The following L3HYPDH variants were observed in gnomAD, a reference collection of about 807,000 sequenced individuals.
L3HYPDH encodes the protein trans-3-hydroxy-L-proline dehydratase.
In L3HYPDH, 32 loss-of-function variants were observed where a neutral mutation model predicts 26.5. That is an observed-to-expected ratio of 1.21 (90% CI 0.91 to 1.62). The LOEUF is 1.62. Among genes scored for constraint, L3HYPDH ranks in the 40% most tolerant of loss-of-function variants. L3HYPDH has a pLI of 0.00. For synonymous variants in L3HYPDH, 215 were observed against 196.6 expected (o/e 1.09, Z -0.78); for missense variants, 554 against 476.4 (o/e 1.16, Z -1.52).
the L3HYPDH span, among the ~76,000 whole-genome samples, chr14:59,496,369 C>T: frequency 2.6e-5 from 4 of 151,658 alleles, no homozygotes; most frequent in Non-Finnish European, 5.9e-5. Flanking sequence ...TGTCATATAA[C>T]TCTCCTAAGG....
chr14:59,497,397 G>C, the L3HYPDH span, among the ~76,000 whole-genome samples: 1 of 152,160 alleles, frequency 6.6e-6, no homozygotes, highest in East Asian at 1.9e-4. Flanking sequence ...TCTTCTGGTG[G>C]AAGGCAGGAG....
chr14:59,502,530 G>C, the L3HYPDH span, among the ~76,000 whole-genome samples: 2 of 152,058 alleles, frequency 1.3e-5, no homozygotes, highest in African/African-American at 4.8e-5. Context: ...GTGACTTTTA[G>C]GTAAGATAAT....
downstream of L3HYPDH, among the ~76,000 whole-genome samples, chr14:59,472,262 G>A (rs1312693988): frequency 6.6e-6 from 1 of 152,120 alleles, no homozygotes; most frequent in African/African-American, 2.4e-5. Context: ...CCATTGTAAG[G>A]ATTCACTGCT....
chr14:59,502,234 G>A, the L3HYPDH span, among the ~76,000 whole-genome samples: 2 of 151,974 alleles, frequency 1.3e-5, no homozygotes, highest in Admixed American at 6.6e-5. Flanking sequence ...TTTTAAATAC[G>A]TTAATGGCTC....
chr14:59,492,988 C>G, the L3HYPDH span, among the ~76,000 whole-genome samples: 3 of 151,216 alleles, frequency 2.0e-5, no homozygotes, highest in East Asian at 2.0e-4. Flanking sequence ...TTAGTAGAGA[C>G]GGGGTTTCAC....
At chr14:59,469,987 A>G (rs1889273302), downstream of L3HYPDH, among the ~76,000 whole-genome samples, 1 of 152,198 alleles carries the variant, frequency 6.6e-6, no homozygotes, top group Admixed American at 6.5e-5. Context: ...CAGATAAAGA[A>G]AGCAAAGCTA....
At chr14:59,479,807 T>G (rs1889886369) in intron 1 of L3HYPDH, among the ~76,000 whole-genome samples, 1 of 152,234 alleles carries the variant, frequency 6.6e-6, no homozygotes, top group Non-Finnish European at 1.5e-5. Context: ...ACATAAATTT[T>G]AATAAAAGAT....
the L3HYPDH span, among the ~76,000 whole-genome samples, chr14:59,500,304 A>C: frequency 4.6e-5 from 7 of 152,208 alleles, no homozygotes; most frequent in Admixed American, 4.6e-4. Context: ...TTAACATTTG[A>C]AATTGTTCCA....
Position 59,473,031 on chromosome 14 carries a change from G to C in L3HYPDH, c.999C>G (p.Tyr333Ter), listed in dbSNP as rs775276699. ...CTATTATAAAGCTTGCTGTACCCGT[G>C]TAATGGGCTTGTCCTGATACTTCCA... Reference protein sequence around the residue: ...VIVEVSGQAHYTGTASFIIED... With the variant: ...VIVEVSGQAH Residue 333 changes from tyrosine to a stop codon, truncating the protein, a stop_gained, in exon 5 of 5, where the codon TAC becomes TAG. Coordinates refer to ENST00000247194, the MANE Select transcript of L3HYPDH (RefSeq NM_144581.2). LOFTEE classifies it high-confidence loss of function. 5 of 1,608,968 alleles carry C rather than the reference G, an allele frequency of 3.1e-6. No individual in the cohort carries two copies. Among genetic ancestry groups the C allele is most frequent in the Non-Finnish European group, 3.4e-6 (4 of 1,177,980 alleles).
the L3HYPDH span, chr14:59,498,968 T>A: frequency 1.2e-6 from 1 of 860,550 alleles, no homozygotes; most frequent in Non-Finnish European, 1.6e-6. Context: ...TAATATTTCC[T>A]CTAGATTTAA....
At position 59,476,089 on chromosome 14, in the gene L3HYPDH, T is replaced by C; in HGVS notation, c.801+3A>G. ...TTGTCCCTAAACATTACAGTTTTAA[T>C]ACCTGTTCATCTGCAAAAACACAAA... On this transcript the variant is annotated splice_donor_region_variant and intron_variant, in intron 3 of 4. Transcript: ENST00000247194. 3 of 1,613,994 alleles carry C rather than the reference T, an allele frequency of 1.9e-6. No homozygotes were observed. The highest frequency in any genetic ancestry group is 2.5e-6 in the Non-Finnish European group (3 of 1,179,898).
At chr14:59,479,497 AAATG>A (rs1291268914) in intron 1 of L3HYPDH, 146 bp from the exon 2 acceptor site, 31 of 747,304 alleles carry the variant, frequency 4.1e-5, no homozygotes, top group Middle Eastern at 5.7e-4. Context: ...TCCGTTTTTT[AAATG>A]AATAAGCATC....
downstream of L3HYPDH, among the ~76,000 whole-genome samples, chr14:59,470,748 C>A (rs1889287983): frequency 6.6e-6 from 1 of 151,924 alleles, no homozygotes; most frequent in African/African-American, 2.4e-5. Flanking sequence ...AGCCAGATTG[C>A]AGTAGTTGAA....
intron 1 of L3HYPDH, among the ~76,000 whole-genome samples, chr14:59,482,376 G>C (rs1284653824): frequency 2.0e-5 from 3 of 152,112 alleles, no homozygotes; most frequent in Non-Finnish European, 2.9e-5. Context: ...ATGCTCTCAG[G>C]AACTACTGAG....
upstream of L3HYPDH, chr14:59,484,794 C>A (rs1449724569): frequency 3.3e-6 from 3 of 899,296 alleles, no homozygotes; most frequent in Non-Finnish European, 4.9e-6. Context: ...CTAGGGGAGG[C>A]GCGCTGTCTG....
At chr14:59,495,257 T>C in the L3HYPDH span, 1 of 1,455,698 alleles carries the variant, frequency 6.9e-7, no homozygotes, top group Middle Eastern at 1.7e-4. Context: ...GATCATTGTT[T>C]TTTTTTAAAT....
At chr14:59,484,930 A>T, upstream of L3HYPDH, 1 of 1,468,064 alleles carries the variant, frequency 6.8e-7, no homozygotes, top group South Asian at 1.4e-5. Flanking sequence ...GTGCAGAAAA[A>T]ACAGTAAAGC....
chr14:59,504,049 T>C, the L3HYPDH span: 4 of 1,612,804 alleles, frequency 2.5e-6, no homozygotes, highest in Non-Finnish European at 3.4e-6. Flanking sequence ...AAGGATACTC[T>C]CAGAAGGAGC....
chr14:59,502,755 T>TGTTTTGTTTGGTTTTGTTTTTTTGTTTTG, the L3HYPDH span, among the ~76,000 whole-genome samples: 1 of 122,918 alleles, frequency 8.1e-6, no homozygotes, highest in Non-Finnish European at 1.6e-5. Context: ...ATGAGATTTT[T>TGTTTTGTTTGGTTTTGTTTTTTTGTTTTG]TTTTTTTTTT....
Sources: allele counts gnomAD v4.1 joint callset (sites outside exome capture counted in the v4.1 genomes callset), GRCh38; gene constraint gnomAD v4.1.1; transcripts MANE v1.5; gene names NCBI Gene and HGNC (gene_info 2026-07-23, HGNC 2026-07-21).